Variants in AMZ1 observed in about 807,000 individuals in gnomAD.
AMZ1 encodes archaemetzincin-1.
AMZ1 carries 39 observed loss-of-function variants against 29.9 expected under a neutral mutation model. The observed-to-expected ratio is 1.30, with a 90% CI of 1.01 to 1.70. AMZ1 has a LOEUF of 1.70. Ranked by LOEUF, AMZ1 falls within the 40% of genes most tolerant of loss-of-function variation. AMZ1 has a pLI of 0.00. For missense variants in AMZ1, 1,041 were observed against 680.6 expected (o/e 1.53, Z -5.89); for synonymous variants, 458 against 304.0 (o/e 1.51, Z -5.27).
chr7:2,682,008 G>T (rs184135365), intron 1 of AMZ1, among the ~76,000 whole-genome samples: 1 of 152,318 alleles, frequency 6.6e-6, no homozygotes, highest in Non-Finnish European at 1.5e-5. Context: ...CAGTTTATGT[G>T]CTGGGGCTGT....
chr7:2,702,829 G>A lies in AMZ1; in HGVS notation c.412G>A (p.Ala138Thr), dbSNP rs754273996. Residue 138 changes from alanine to threonine, a missense_variant, in exon 3 of 7, where the codon GCG becomes ACG. Coordinates refer to ENST00000683327, the MANE Select transcript of AMZ1 (RefSeq NM_001384743.1). ...RVKCLPSVAAASIRCSSRPSR... is the reference protein window; with the variant it reads ...RVKCLPSVAATSIRCSSRPSR... The stretch of plus-strand genomic sequence containing the variant: ...CAAGTGCCTGCCGTCGGTGGCAGCC[G>A]CGTCCATCCGCTGCTCCTCGCGGCC... The A allele has an allele frequency of 2.3e-5, 36 of 1,569,256 alleles. No homozygotes were observed. The highest frequency in any genetic ancestry group is 1.7e-4 in the Middle Eastern group (1 of 5,978).
rs1029608191 is a variant in AMZ1 at position 2,717,907 on chromosome 7, C to CCAA, written c.*5031_*5033dup. ...GTCCTGGGGTCACCACGCGTTCAGTCCAACTCTTCCCCGCTGCAGTGTTCC... is the reference window on the plus strand; with the variant it reads ...GTCCTGGGGTCACCACGCGTTCAGTCCAACAACTCTTCCCCGCTGCAGTGTTCC... On this transcript the variant is annotated 3_prime_UTR_variant, in exon 7 of 7. Coordinates refer to ENST00000683327, the MANE Select transcript of AMZ1 (RefSeq NM_001384743.1). Among the ~76,000 whole-genome samples, 5 of 152,186 alleles carry CCAA rather than the reference C, an allele frequency of 3.3e-5. No individual in the cohort carries two copies. The highest frequency in any genetic ancestry group is 3.3e-4 in the Admixed American group (5 of 15,286).
chr7:2,702,079 G>C (rs1159101261), intron 2 of AMZ1: 3 of 152,560 alleles, frequency 2.0e-5, no homozygotes, highest in Non-Finnish European at 4.4e-5. Flanking sequence ...AGTCCTGGCA[G>C]CTGATTTCTC....
Position 2,717,235 on chromosome 7 carries a change from AAGG to A in AMZ1, c.*4361_*4363del, listed in dbSNP as rs1028191195. Among the ~76,000 whole-genome samples the A allele has an allele frequency of 1.3e-5, 2 of 152,174 alleles. No homozygotes were observed. The highest frequency in any genetic ancestry group is 2.9e-5 in the Non-Finnish European group (2 of 68,028). ...CTTCACTGATTTGTTTTGTTTATAA[AAGG>A]AGGGCGAGGCCTGCACAGGAATATT... On this transcript the variant is annotated 3_prime_UTR_variant, in exon 7 of 7. Coordinates refer to ENST00000683327, the MANE Select transcript of AMZ1 (RefSeq NM_001384743.1).
intron 4 of AMZ1, among the ~76,000 whole-genome samples, chr7:2,737,266 TTTGTTTTGTTTTTTTTTTTTTTG>T (rs1300162090): frequency 3.0e-5 from 2 of 66,120 alleles, no homozygotes; most frequent in Non-Finnish European, 7.0e-5. Context: ...ATCTCACAGT[TTTGTTTTGTTTTTTTTTTTTTTG>T]TTTTTTTTTT....
rs992363540 is a variant in AMZ1, at chr7:2,731,896, T to C, written n.550+22080T>C. ...AGAAACCAAAAGCAAATTTCATTTA[T>C]AACATTATCAACTGGCCGTGAAACA... On this transcript the variant is annotated intron_variant and non_coding_transcript_variant, in intron 4 of 4. Coordinates refer to the AMZ1 transcript ENST00000489665. This position sits in a 1 kb window ranked among gnomAD's most constrained non-coding sequence, Gnocchi z 6.0. 3 of 523,786 alleles carry C rather than the reference T, an allele frequency of 5.7e-6. No individual in the cohort carries two copies. Among genetic ancestry groups the C allele is most frequent in the Admixed American group, 3.3e-5 (1 of 29,984 alleles). 32.4% of individuals were successfully genotyped at this position (523,786 alleles called of 1,614,324 possible).
chr7:2,745,529 T>A (rs138754602), intron 4 of AMZ1, among the ~76,000 whole-genome samples: 3,590 of 152,160 alleles, frequency 0.024, 100 homozygotes, highest in Middle Eastern at 0.075. Flanking sequence ...GTGCTAAACA[T>A]GGAAAGGAGC....
intron 4 of AMZ1, chr7:2,733,424 C>T: frequency 3.1e-6 from 5 of 1,608,804 alleles, no homozygotes; most frequent in Non-Finnish European, 4.3e-6. Flanking sequence ...TGGAGCCCAG[C>T]TTCTTCGGGC....
At chr7:2,752,291 C>T (rs1265058790) in intron 4 of AMZ1, among the ~76,000 whole-genome samples, 1 of 152,122 alleles carries the variant, frequency 6.6e-6, no homozygotes, top group Admixed American at 6.5e-5. Context: ...GAAACTTCCT[C>T]AGTTTGATAA....
chr7:2,700,936 A>C (rs957837911), intron 2 of AMZ1, among the ~76,000 whole-genome samples, 181 bp downstream of exon 2: 3 of 152,022 alleles, frequency 2.0e-5, no homozygotes, highest in African/African-American at 7.3e-5. Context: ...CCTTCCTCCC[A>C]CCCCATCCTG....
At chr7:2,743,405 G>A (rs567109383) in intron 4 of AMZ1, among the ~76,000 whole-genome samples, 1 of 152,198 alleles carries the variant, frequency 6.6e-6, no homozygotes, top group South Asian at 2.1e-4. Context: ...TCATCATCAG[G>A]GGCAAAAACA....
chr7:2,700,691 C>T lies in AMZ1; in HGVS notation c.240C>T (p.Phe80=), dbSNP rs768393104. ...AGGCTCCCGAGGACTTCCAGACCTT[C>T]CACGCCTCCCTGCAGCACCGGAAGC... ...RPEAPEDFQT[F]HASLQHRKPR... The change falls in exon 2 of 7, where the codon TTC becomes TTT. Residue 80 remains phenylalanine (F), a synonymous_variant. Coordinates refer to ENST00000683327, the MANE Select transcript of AMZ1 (RefSeq NM_001384743.1). The T allele has an allele frequency of 5.6e-6, 9 of 1,612,966 alleles. No individual in the cohort carries two copies. The African/African-American group carries it at 1.2e-4, about 22-fold the overall frequency.
At chr7:2,721,094 A>C (rs1034524619), downstream of AMZ1, among the ~76,000 whole-genome samples, 2 of 152,186 alleles carry the variant, frequency 1.3e-5, no homozygotes, top group African/African-American at 2.4e-5. Context: ...AGCAGCTGCA[A>C]AACGACCGAC....
At chr7:2,724,103 G>A (rs369921014), downstream of AMZ1, among the ~76,000 whole-genome samples, 14 of 150,986 alleles carry the variant, frequency 9.3e-5, 1 homozygote, top group South Asian at 4.2e-4. Flanking sequence ...GATGGGGAGT[G>A]GGGGGGCGGG....
upstream of AMZ1, among the ~76,000 whole-genome samples, chr7:2,683,685 G>GCA (rs1448100155): frequency 6.6e-6 from 1 of 152,064 alleles, no homozygotes; most frequent in Non-Finnish European, 1.5e-5. Context: ...TGATCCGCCT[G>GCA]CCTTGGCCTC....
Position 2,700,603 on chromosome 7 carries a change from A to G in AMZ1, c.152A>G (p.Gln51Arg). 2 of 1,610,628 alleles carry G rather than the reference A, an allele frequency of 1.2e-6. No homozygotes were observed. Among genetic ancestry groups the G allele is most frequent in the Non-Finnish European group, 1.7e-6 (2 of 1,179,972 alleles). ...RLFLAEAYNP[Q>R]RTLFCTLLIR... is the part of the protein sequence containing the mutation. ...TTCCTGGCCGAGGCCTACAACCCGC[A>G]GAGGACGCTCTTCTGCACCCTGCTC... The change falls in exon 2 of 7, where the codon CAG (glutamine) becomes CGG (arginine). Residue 51 changes from glutamine to arginine, a missense_variant. Physicochemically the swap from Gln to Arg is conservative, Grantham distance 43. Coordinates refer to ENST00000683327, the MANE Select transcript of AMZ1 (RefSeq NM_001384743.1).
At chr7:2,679,851 TGGCGAGGGGCCATAGCCCTGAAGGA>T (rs1583124215) in intron 1 of AMZ1, among the ~76,000 whole-genome samples, 1 of 151,798 alleles carries the variant, frequency 6.6e-6, no homozygotes, top group African/African-American at 2.4e-5. Context: ...CCGGGAGAGG[TGGCGAGGGGCCATAGCCCTGAAGGA>T]GCTTCATCCT....
At chr7:2,725,882 C>A (rs1434438503) in intron 4 of AMZ1, among the ~76,000 whole-genome samples, 5 of 152,232 alleles carry the variant, frequency 3.3e-5, no homozygotes, top group African/African-American at 1.2e-4. Flanking sequence ...GCCAGACCCT[C>A]CCCTGGTGCC....
At chr7:2,746,739 T>C (rs1790781043) in intron 4 of AMZ1, among the ~76,000 whole-genome samples, 1 of 152,140 alleles carries the variant, frequency 6.6e-6, no homozygotes, top group African/African-American at 2.4e-5. Context: ...AGCTGGTTTT[T>C]TGAAAAGATC....
Sources: allele counts gnomAD v4.1 joint callset (sites outside exome capture counted in the v4.1 genomes callset), GRCh38; gene constraint gnomAD v4.1.1; non-coding constraint Gnocchi (gnomAD v3.1); transcripts MANE v1.5; gene names NCBI Gene and HGNC (gene_info 2026-07-23, HGNC 2026-07-21).